FBRSL1: variants seen among roughly 807,000 people sequenced by gnomAD.
FBRSL1 encodes fibrosin-1-like protein.
FBRSL1 carries 51 observed loss-of-function variants against 89.6 expected under a neutral mutation model. That is an observed-to-expected ratio of 0.57 (90% CI 0.45 to 0.72). FBRSL1 has a LOEUF of 0.72. Ranked by LOEUF, FBRSL1 falls within the 30% of genes least tolerant of loss-of-function variation. The pLI, the probability that FBRSL1 is intolerant of heterozygous loss-of-function variation, is 0.00. For synonymous variants in FBRSL1, 779 were observed against 681.1 expected (o/e 1.14, Z -2.24); for missense variants, 1,618 against 1,451.8 (o/e 1.11, Z -1.86).
At chr12:132,549,221 C>T (rs945630399) in intron 5 of FBRSL1, among the ~76,000 whole-genome samples, 10 of 152,174 alleles carry the variant, frequency 6.6e-5, no homozygotes, top group African/African-American at 2.4e-4. Context: ...CGGGCTCAGC[C>T]GTGTCTGGGG....
rs536048751 is a variant in FBRSL1, at chr12:132,511,372, C to T, written c.489+3022C>T. Reference sequence around the variant, plus strand: ...ATGTGGTCGGGCACACCTCACACTACAAGGCTACCCCTGGGCCCATCCCTG... The same window carrying T: ...ATGTGGTCGGGCACACCTCACACTATAAGGCTACCCCTGGGCCCATCCCTG... On this transcript the variant is annotated intron_variant, in intron 2 of 18. Transcript: ENST00000680143. The T allele has an allele frequency of 8.1e-6, 8 of 985,776 alleles. No individual in the cohort carries two copies. In the African/African-American group the frequency reaches 1.2e-4, roughly 15 times the overall value. The allele number at this position is 985,776 out of a possible 1,614,324, so 61.1% of individuals were successfully genotyped here. A position where few individuals can be genotyped will look rare whatever the true frequency, so the allele number is the denominator to read the frequency against.
At chr12:132,550,646 G>A (rs2038081316) in intron 5 of FBRSL1, 2 of 152,594 alleles carry the variant, frequency 1.3e-5, no homozygotes, top group Non-Finnish European at 2.9e-5. Context: ...GACGACCCTG[G>A]TGCGTTCTGG....
At chr12:132,551,458 T>C (rs1174281113) in intron 5 of FBRSL1, 2 of 456,290 alleles carry the variant, frequency 4.4e-6, no homozygotes, top group South Asian at 1.5e-5. Flanking sequence ...CAGGTGGCAG[T>C]GCACCCCGAG....
chr12:132,502,243 A>G (rs2033074629), intron 1 of FBRSL1, among the ~76,000 whole-genome samples: 2 of 152,168 alleles, frequency 1.3e-5, no homozygotes, highest in South Asian at 2.1e-4. Context: ...GGGCCCTTCT[A>G]GAATCCTTGG....
At position 132,570,383 on chromosome 12, in the gene FBRSL1, G is replaced by A. The variant is rs868858262; in HGVS notation, c.1056G>A (p.Ser352=). The A allele has an allele frequency of 1.2e-5, 19 of 1,533,868 alleles. No individual in the cohort carries two copies. The highest frequency in any genetic ancestry group is 2.4e-5 in the South Asian group (2 of 83,622). The change falls in exon 8 of 19, where the codon TCG becomes TCA. Residue 352 remains serine (S), a synonymous_variant. Transcript: ENST00000680143. Reference sequence around the variant, plus strand: ...GCCTGGGGAAGCACGTGTCGCTGTCGCCACACGGGCCGGGCCCCCACCTGT... The same window carrying A: ...GCCTGGGGAAGCACGTGTCGCTGTCACCACACGGGCCGGGCCCCCACCTGT... The part of the protein sequence containing the change: ...PLGLGKHVSL[S]PHGPGPHLST...
intron 5 of FBRSL1, chr12:132,560,235 G>C (rs2038999848): frequency 6.6e-6 from 1 of 151,956 alleles, no homozygotes; most frequent in Admixed American, 6.6e-5. Flanking sequence ...GGCGAGGTGA[G>C]TGCGCGCTGC....
At chr12:132,513,566 C>T (rs1180849671) in intron 2 of FBRSL1, among the ~76,000 whole-genome samples, 1 of 152,210 alleles carries the variant, frequency 6.6e-6, no homozygotes, top group Non-Finnish European at 1.5e-5. Context: ...CTGTGGGGGC[C>T]TCTGCCCACC....
intron 1 of FBRSL1, among the ~76,000 whole-genome samples, chr12:132,504,156 T>C (rs1483249068): frequency 6.6e-6 from 1 of 152,084 alleles, no homozygotes; most frequent in Non-Finnish European, 1.5e-5. Context: ...GAGAGGCCCT[T>C]GCTGTGGTTT....
chr12:132,566,512 T>C (rs1276807498), intron 5 of FBRSL1: 2 of 55,024 alleles, frequency 3.6e-5, no homozygotes, highest in Non-Finnish European at 6.4e-5. Context: ...CCCCAGAGCA[T>C]GGGGCCCTCC....
chr12:132,570,878 C>A (rs1277923734), intron 8 of FBRSL1, among the ~76,000 whole-genome samples, 190 bp from the exon 9 acceptor site: 1 of 152,242 alleles, frequency 6.6e-6, no homozygotes, highest in African/African-American at 2.4e-5. Flanking sequence ...ATCAAGCAGG[C>A]GCCATCCCAG....
intron 4 of FBRSL1, among the ~76,000 whole-genome samples, chr12:132,542,809 T>A (rs2037375733): frequency 6.6e-6 from 1 of 152,216 alleles, no homozygotes; most frequent in South Asian, 2.1e-4. Flanking sequence ...CATGCCTTTG[T>A]TTGAGCAGTG....
At chr12:132,530,502 C>T (rs2036168919) in intron 4 of FBRSL1, among the ~76,000 whole-genome samples, 1 of 151,804 alleles carries the variant, frequency 6.6e-6, no homozygotes, top group South Asian at 2.1e-4. Flanking sequence ...TGGCCACCTC[C>T]TGTGGCCACC....
At position 132,581,522 on chromosome 12, in the gene FBRSL1, T is replaced by C; in HGVS notation, c.1912+6T>C. 3 of 1,550,658 alleles carry C rather than the reference T, an allele frequency of 1.9e-6. No individual in the cohort carries two copies. The highest frequency in any genetic ancestry group is 2.6e-6 in the Non-Finnish European group (3 of 1,146,700). ...GCCCACTGGCCCCCTGACAGGTGGGTGTCTCTGAATTCAGCCCACGCAGCC... is the reference window on the plus strand; with the variant it reads ...GCCCACTGGCCCCCTGACAGGTGGGCGTCTCTGAATTCAGCCCACGCAGCC... On this transcript the variant is annotated splice_donor_region_variant and intron_variant, in intron 16 of 18. Transcript: ENST00000680143.
At position 132,583,622 on chromosome 12, in the gene FBRSL1, C is replaced by G; in HGVS notation, c.2853C>G (p.Ala951=). The G allele has an allele frequency of 1.0e-6, 1 of 994,000 alleles. No homozygotes were observed. The highest frequency in any genetic ancestry group is 5.1e-4 in the Middle Eastern group (1 of 1,954). The allele number at this position is 994,000 out of a possible 1,614,324, so 61.6% of individuals were successfully genotyped here. A position where few individuals can be genotyped will look rare whatever the true frequency, so the allele number is the denominator to read the frequency against. The change falls in exon 19 of 19, where the codon GCC becomes GCG. Residue 951 remains alanine, a synonymous_variant. Coordinates refer to ENST00000680143, the MANE Select transcript of FBRSL1 (RefSeq NM_001367871.1). ...TGGCGCGGACCCCGCCCGCCGCCGC[C>G]GCCCTCGGCGCACCGCCCCCCCTGG... ...GLLARTPPAA[A]ALGAPPPLVT... is the part of the protein sequence containing the mutation.
chr12:132,571,733 T>A, intron 9 of FBRSL1: 2 of 371,128 alleles, frequency 5.4e-6, no homozygotes, highest in South Asian at 1.4e-4. Flanking sequence ...TCGGCAGTGG[T>A]CCTGGACTTA....
rs920384535 is a variant in FBRSL1, at chr12:132,509,738, C to T, written c.489+1388C>T. On this transcript the variant is annotated intron_variant, in intron 2 of 18. Transcript: ENST00000680143. Reference sequence around the variant, plus strand: ...GCTGCCGACCCCTGCGGCCGTGGGCCAGCCCGTGTCACTGTGGCCAGCCCG... The same window carrying T: ...GCTGCCGACCCCTGCGGCCGTGGGCTAGCCCGTGTCACTGTGGCCAGCCCG... 4 of 1,230,998 alleles carry T rather than the reference C, an allele frequency of 3.2e-6. No individual in the cohort carries two copies. In the African/African-American group the frequency reaches 4.7e-5, roughly 14 times the overall value. 76.3% of individuals were successfully genotyped at this position (1,230,998 alleles called of 1,614,324 possible).
intron 15 of FBRSL1, among the ~76,000 whole-genome samples, chr12:132,580,383 C>T (rs1319905819): frequency 5.9e-5 from 9 of 152,310 alleles, no homozygotes; most frequent in East Asian, 1.9e-4. Context: ...CCACTGCGCC[C>T]GGCCAATTTC....
intron 15 of FBRSL1, among the ~76,000 whole-genome samples, chr12:132,579,449 G>T (rs1341461971): frequency 1.3e-5 from 2 of 152,212 alleles, no homozygotes; most frequent in Admixed American, 6.5e-5. Context: ...TTAAGCTGTT[G>T]CTAGAAAACA....
At chr12:132,567,269 G>A (rs1464253528) in intron 5 of FBRSL1, among the ~76,000 whole-genome samples, 2 of 152,220 alleles carry the variant, frequency 1.3e-5, no homozygotes, top group Admixed American at 6.5e-5. Context: ...TGAGCAGAGA[G>A]GGGCCTGTGT....
Sources: allele counts gnomAD v4.1 joint callset (sites outside exome capture counted in the v4.1 genomes callset), GRCh38; gene constraint gnomAD v4.1.1; transcripts MANE v1.5; gene names NCBI Gene and HGNC (gene_info 2026-07-23, HGNC 2026-07-21).